Variants in MYRIP observed in about 807,000 individuals in gnomAD.
MYRIP encodes rab effector MyRIP.
A neutral mutation model predicts 98.0 loss-of-function variants in MYRIP; 49 were observed. The ratio of observed to expected loss-of-function variants is 0.50; its 90% CI spans 0.40 to 0.63. The LOEUF is 0.63. Among genes scored for constraint, MYRIP ranks in the 30% least tolerant of loss-of-function variants. The pLI is 0.00. For missense variants in MYRIP, 1,004 were observed against 1,058.2 expected (o/e 0.95, Z 0.71); for synonymous variants, 404 against 409.5 (o/e 0.99, Z 0.16).
intron 1 of MYRIP, among the ~76,000 whole-genome samples, chr3:39,894,373 A>G (rs970543798): frequency 2.0e-5 from 3 of 152,204 alleles, no homozygotes; most frequent in Non-Finnish European, 4.4e-5. Flanking sequence ...TTTGAACTTT[A>G]TACAATTGGG....
At chr3:39,865,387 A>C (rs568760334) in intron 1 of MYRIP, among the ~76,000 whole-genome samples, 1 of 152,256 alleles carries the variant, frequency 6.6e-6, no homozygotes, top group East Asian at 1.9e-4. Flanking sequence ...GAGTAAACAG[A>C]CAACCCACAG....
intron 2 of MYRIP, among the ~76,000 whole-genome samples, chr3:39,937,897 T>C (rs1213515185): frequency 6.6e-6 from 1 of 152,128 alleles, no homozygotes; most frequent in East Asian, 1.9e-4. Context: ...AGAACTATAG[T>C]GAATTAAATT....
At chr3:40,015,550 G>A (rs1946845393) in intron 2 of MYRIP, among the ~76,000 whole-genome samples, 1 of 152,098 alleles carries the variant, frequency 6.6e-6, no homozygotes, top group African/African-American at 2.4e-5. Flanking sequence ...GGAGCTCTAG[G>A]GGGCCCTGCA....
intron 2 of MYRIP, among the ~76,000 whole-genome samples, chr3:39,996,956 G>A (rs1946375343): frequency 6.6e-6 from 1 of 152,120 alleles, no homozygotes; most frequent in African/African-American, 2.4e-5. Context: ...CAAAATGAAG[G>A]CAGAAATAAA....
intron 2 of MYRIP, among the ~76,000 whole-genome samples, chr3:39,957,071 T>C (rs1357628352): frequency 6.6e-6 from 1 of 151,896 alleles, no homozygotes; most frequent in Non-Finnish European, 1.5e-5. Context: ...CAGGACCAGA[T>C]GGATTCACAG....
rs1345772368 is a variant in MYRIP, at chr3:40,242,645, A to G, written c.2101-1801A>G. Among the ~76,000 whole-genome samples the G allele has an allele frequency of 3.3e-5, 5 of 152,174 alleles. 1 individual carries two copies. The highest frequency in any genetic ancestry group is 1.2e-4 in the African/African-American group (5 of 41,456). ...TCCAAGACCTTAGTTATGTCAAGTTATGTTTAACCACTGCCATGCTTAAAT... is the reference window on the plus strand; with the variant it reads ...TCCAAGACCTTAGTTATGTCAAGTTGTGTTTAACCACTGCCATGCTTAAAT... On this transcript the variant is annotated intron_variant, in intron 12 of 16. Transcript: ENST00000302541.
chr3:39,890,298 A>G (rs897731644), intron 1 of MYRIP, among the ~76,000 whole-genome samples: 2 of 151,826 alleles, frequency 1.3e-5, no homozygotes, highest in African/African-American at 4.8e-5. Flanking sequence ...AATTTTTGCA[A>G]TGGTTATTAT....
chr3:39,988,730 A>G (rs1412169946), intron 2 of MYRIP, among the ~76,000 whole-genome samples: 2 of 149,294 alleles, frequency 1.3e-5, no homozygotes, highest in Admixed American at 1.3e-4. Context: ...TTTTTTCTCT[A>G]ATCTTGTCTG....
intron 1 of MYRIP, among the ~76,000 whole-genome samples, chr3:39,821,412 A>G (rs1941099323): frequency 6.7e-6 from 1 of 149,746 alleles, no homozygotes; most frequent in Non-Finnish European, 1.5e-5. Context: ...CAGACTTTCC[A>G]AAGAACCAAC....
chr3:40,152,176 T>C (rs905812109), intron 4 of MYRIP, among the ~76,000 whole-genome samples: 1 of 152,222 alleles, frequency 6.6e-6, no homozygotes, highest in African/African-American at 2.4e-5. Context: ...CAACAATTTC[T>C]CTAAATACTC....
intron 16 of MYRIP, among the ~76,000 whole-genome samples, 193 bp from the exon 17 acceptor site, chr3:40,257,941 C>T (rs968166471): frequency 3.9e-5 from 6 of 152,058 alleles, no homozygotes; most frequent in Admixed American, 1.3e-4. Flanking sequence ...ATTCCAAATA[C>T]CAAAATTAAT....
intron 3 of MYRIP, among the ~76,000 whole-genome samples, chr3:40,052,693 A>C (rs146691600): frequency 0.016 from 2,420 of 152,286 alleles, 28 homozygotes; most frequent in Middle Eastern, 0.034. Context: ...GATGTAAGAT[A>C]ATTTTTTAAA....
chr3:40,040,285 T>C (rs1003631167), intron 2 of MYRIP, among the ~76,000 whole-genome samples: 11 of 149,192 alleles, frequency 7.4e-5, no homozygotes, highest in Middle Eastern at 3.4e-3. Context: ...TGAGATATCA[T>C]CTCACACCAG....
At chr3:40,030,832 A>G (rs987204981) in intron 2 of MYRIP, among the ~76,000 whole-genome samples, 1 of 152,152 alleles carries the variant, frequency 6.6e-6, no homozygotes, top group African/African-American at 2.4e-5. Flanking sequence ...GCAGGGGAGA[A>G]TGCTTCATGA....
At chr3:40,108,471 G>A (rs1424021817) in intron 3 of MYRIP, among the ~76,000 whole-genome samples, 1 of 152,132 alleles carries the variant, frequency 6.6e-6, no homozygotes, top group African/African-American at 2.4e-5. Context: ...TGGGAGTGCT[G>A]ACATTCAACA....
At chr3:39,937,903 A>G (rs754061467) in intron 2 of MYRIP, among the ~76,000 whole-genome samples, 10 of 152,168 alleles carry the variant, frequency 6.6e-5, no homozygotes, top group Non-Finnish European at 1.3e-4. Flanking sequence ...ATAGTGAATT[A>G]AATTATAGGT....
At chr3:40,233,544 A>C (rs1175903908) in intron 11 of MYRIP, among the ~76,000 whole-genome samples, 1 of 152,198 alleles carries the variant, frequency 6.6e-6, no homozygotes, top group East Asian at 1.9e-4. Flanking sequence ...TCAGCAAATA[A>C]GGTCAGAGAT....
chr3:40,222,970 A>G (rs1465380933), intron 11 of MYRIP, among the ~76,000 whole-genome samples: 1 of 152,214 alleles, frequency 6.6e-6, no homozygotes, highest in East Asian at 1.9e-4. Context: ...TTAGCCATTA[A>G]TCTTCCCTGA....
chr3:40,145,313 T>G (rs1441375885), intron 3 of MYRIP, among the ~76,000 whole-genome samples: 1 of 152,216 alleles, frequency 6.6e-6, no homozygotes, highest in African/African-American at 2.4e-5. Flanking sequence ...ATTGTGCTCA[T>G]TTTTTCATAA....
Sources: gnomAD v4.1 joint callset for allele counts (sites outside exome capture counted in the v4.1 genomes callset) on GRCh38, gnomAD v4.1.1 for gene constraint, MANE v1.5 for transcripts, NCBI Gene and HGNC (gene_info 2026-07-23, HGNC 2026-07-21) for gene names.